APEH: variants seen among roughly 807,000 people sequenced by gnomAD.
APEH encodes acylaminoacyl-peptide hydrolase.
A neutral mutation model predicts 102.7 loss-of-function variants in APEH; 75 were observed. The ratio of observed to expected loss-of-function variants is 0.73; its 90% CI spans 0.61 to 0.89. APEH has a LOEUF of 0.89. Among genes scored for constraint, APEH ranks in the 40% least tolerant of loss-of-function variants. The pLI is 0.00. For synonymous variants in APEH, 344 were observed against 362.7 expected, an observed-to-expected ratio of 0.95 and a Z score of 0.59; for missense variants, 863 against 941.2, an observed-to-expected ratio of 0.92 and a Z score of 1.09.
In APEH at chr3:49,677,596, C is replaced by T; in HGVS notation, c.1023C>T (p.Thr341=). 1 of 1,613,974 alleles carries T rather than the reference C, an allele frequency of 6.2e-7. No individual in the cohort carries two copies. Among genetic ancestry groups the T allele is most frequent in the Admixed American group, 1.7e-5 (1 of 60,012 alleles). ...LCLYDWYTKV[T]SVVVDVVPRQ... Reference sequence around the variant, plus strand: ...AGTATGACTGGTATACCAAGGTTACCTCAGTGGTGGTAGATGTTGTGCCTC... The same window carrying T: ...AGTATGACTGGTATACCAAGGTTACTTCAGTGGTGGTAGATGTTGTGCCTC... The change falls in exon 11 of 22, where the codon ACC becomes ACT. Residue 341 remains threonine (T), a synonymous_variant. Coordinates refer to ENST00000296456, the MANE Select transcript of APEH (RefSeq NM_001640.4).
chr3:49,683,101 G>A lies in APEH; in HGVS notation c.2048G>A (p.Gly683Asp). Reference protein sequence around the residue: ...QEDRRVPFKQGMEYYRALKTR... With the variant: ...QEDRRVPFKQDMEYYRALKTR... ...GACCGGCGTGTGCCCTTCAAGCAGG[G>A]CATGGAGTATTACCGTGCCCTCAAG... The change falls in exon 21 of 22, where the codon GGC (glycine) becomes GAC (aspartate). Residue 683 changes from glycine (G) to aspartate (D), a missense_variant. Physicochemically the swap from Gly to Asp is moderately conservative, Grantham distance 94 (BLOSUM62 -1). Coordinates refer to ENST00000296456, the MANE Select transcript of APEH (RefSeq NM_001640.4). 4.3e-6 allele frequency: 7 copies of A among 1,614,068 alleles called. No individual in the cohort carries two copies. The highest frequency in any genetic ancestry group is 5.1e-6 in the Non-Finnish European group (6 of 1,180,032).
intron 17 of APEH, 21 bp downstream of exon 17, chr3:49,681,988 AG>A (rs1559639606): frequency 1.9e-6 from 3 of 1,603,712 alleles, no homozygotes; most frequent in Non-Finnish European, 2.6e-6. Flanking sequence ...AGGGACCCAC[AG>A]TTCTGTTAGG....
Position 49,678,955 on chromosome 3 carries a change from G to A in APEH, c.1158+6G>A, listed in dbSNP as rs1180668896. ...CGGCTCAGCGCAGCCGGCAGGTGAGGGACGCTGATTGTGTTGAGGGGCAGC... is the reference window on the plus strand; with the variant it reads ...CGGCTCAGCGCAGCCGGCAGGTGAGAGACGCTGATTGTGTTGAGGGGCAGC... On this transcript the variant is annotated splice_donor_region_variant and intron_variant, in intron 12 of 21. Transcript: ENST00000296456. 1.2e-6 allele frequency: 2 copies of A among 1,611,982 alleles called. No individual in the cohort carries two copies. The highest frequency in any genetic ancestry group is 1.7e-6 in the Non-Finnish European group (2 of 1,178,762).
intron 17 of APEH, 36 bp downstream of exon 17, chr3:49,682,003 A>G (rs191168253): frequency 2.3e-5 from 36 of 1,590,394 alleles, no homozygotes; most frequent in Admixed American, 1.0e-4. Flanking sequence ...TGTTAGGACT[A>G]CAGTGGAGTG....
At chr3:49,677,699 A>C in intron 11 of APEH, 66 bp downstream of exon 11, 1 of 1,447,484 alleles carries the variant, frequency 6.9e-7, no homozygotes, top group East Asian at 2.3e-5. Flanking sequence ...CGTCTGTTGC[A>C]TCCCTGCCCC....
chr3:49,677,078 G>A, intron 10 of APEH, 54 bp downstream of exon 10: 8 of 1,610,992 alleles, frequency 5.0e-6, no homozygotes, highest in Non-Finnish European at 6.8e-6. Flanking sequence ...ATGGGATGGT[G>A]GATGAGAGCT....
In APEH at chr3:49,674,410, T is replaced by C; in HGVS notation, c.9T>C (p.Arg3=). ...GCGGCAGAGAGGAGACTATGGAACG[T>C]CAGGTGAGGGCTCGGCCCGCGGTCC... is the stretch of plus-strand genomic sequence containing the variant. ME[R]QVLLSEPEEA... The change falls in exon 1 of 22, where the codon CGT becomes CGC. Residue 3 remains arginine, a synonymous_variant. Coordinates refer to ENST00000296456, the MANE Select transcript of APEH (RefSeq NM_001640.4). The C allele has an allele frequency of 7.6e-6, 12 of 1,576,470 alleles. No homozygotes were observed. The highest frequency in any genetic ancestry group is 1.1e-5 in the South Asian group (1 of 87,590).
At position 49,674,661 on chromosome 3, in the gene APEH, G is replaced by T. The variant is rs888749849; in HGVS notation, c.145+40G>T. 4 of 1,579,916 alleles carry T rather than the reference G, an allele frequency of 2.5e-6. No individual in the cohort carries two copies. The East Asian group carries it at 9.1e-5, about 36-fold the overall frequency. On this transcript the variant is annotated intron_variant, in intron 2 of 21. Transcript: ENST00000296456. ...GGGAACTGGCTGGCGACGGGGTCGC[G>T]CACTGGGGTGGGAAGGAAGGGGGTG...
intron 15 of APEH, 71 bp from the exon 16 acceptor site, chr3:49,681,651 C>G (rs757946326): frequency 1.4e-4 from 194 of 1,342,804 alleles, no homozygotes; most frequent in Non-Finnish European, 1.9e-4. Flanking sequence ...CCCACACCTG[C>G]AGCTAGAGAT....
chr3:49,680,471 CTG>C (rs1394258883), intron 13 of APEH, 68 bp from the exon 14 acceptor site: 1 of 1,399,506 alleles, frequency 7.1e-7, no homozygotes, highest in Non-Finnish European at 1.0e-6. Flanking sequence ...GCCTGGGACT[CTG>C]TTACAGAGAA....
In APEH at chr3:49,674,619, C is replaced by T. The variant is rs1263501178; in HGVS notation, c.143C>T (p.Thr48Ile). 1.3e-6 allele frequency: 2 copies of T among 1,586,114 alleles called. No individual in the cohort carries two copies. Among genetic ancestry groups the T allele is most frequent in the African/African-American group, 1.3e-5 (1 of 74,986 alleles). ...QYGGQYRTVHTEWTQRDLERM... is the reference protein window; with the variant it reads ...QYGGQYRTVHIEWTQRDLERM... ...GGCGGCCAATACCGGACGGTGCACACTGGTGTGTGTGCGAAGGGGAACTGG... is the reference window on the plus strand; with the variant it reads ...GGCGGCCAATACCGGACGGTGCACATTGGTGTGTGTGCGAAGGGGAACTGG... The change falls in exon 2 of 22, where the codon ACT becomes ATT. Residue 48 changes from threonine (T) to isoleucine (I), a missense_variant and splice_region_variant. Thr to Ile is a moderately conservative substitution (Grantham distance 89). Coordinates refer to ENST00000296456, the MANE Select transcript of APEH (RefSeq NM_001640.4).
chr3:49,678,476 G>A (rs552886318), intron 11 of APEH, among the ~76,000 whole-genome samples: 33 of 152,300 alleles, frequency 2.2e-4, no homozygotes, highest in African/African-American at 6.0e-4. Flanking sequence ...TGTGCCAAGC[G>A]CTGTGCTAAG....
In APEH at chr3:49,674,541, G is replaced by T. The variant is rs1033553826; in HGVS notation, c.65G>T (p.Arg22Leu). 2 of 1,564,646 alleles carry T rather than the reference G, an allele frequency of 1.3e-6. No homozygotes were observed. The highest frequency in any genetic ancestry group is 2.3e-5 in the East Asian group (1 of 43,576). ...GCGGCTCTGTATCGGGGCCTTAGCC[G>T]CCAGCCCGCGCTGAGCGCCGCCTGC... ...EAAALYRGLS[R>L]QPALSAACLG... is the part of the protein sequence containing the mutation. The change falls in exon 2 of 22, where the codon CGC (arginine) becomes CTC (leucine). Residue 22 changes from arginine to leucine, a missense_variant. Arg to Leu is a moderately radical substitution (Grantham distance 102). Coordinates refer to ENST00000296456, the MANE Select transcript of APEH (RefSeq NM_001640.4).
Position 49,675,923 on chromosome 3 carries a change from C to T in APEH, c.399C>T (p.Phe133=). ...VWEKNRKLKS[F]NLSALEKHGP... Reference sequence around the variant, plus strand: ...AGAAGAACCGGAAGCTCAAGAGCTTCAACCTGTCAGCGCTGGAGAAACATG... The same window carrying T: ...AGAAGAACCGGAAGCTCAAGAGCTTTAACCTGTCAGCGCTGGAGAAACATG... Residue 133 remains phenylalanine (F), a synonymous_variant, in exon 5 of 22, where the codon TTC becomes TTT. Transcript: ENST00000296456. The T allele has an allele frequency of 6.2e-7, 1 of 1,614,172 alleles. No individual in the cohort carries two copies. The highest frequency in any genetic ancestry group is 8.5e-7 in the Non-Finnish European group (1 of 1,180,024).
rs75779287 is a variant in APEH at position 49,676,355 on chromosome 3, C to T, written c.607-23C>T. Reference sequence around the variant, plus strand: ...GAGCAGGTCCTATAGACAGGCTGGGCATTGAGTATCTTGTGTTCTCAGGGG... The same window carrying T: ...GAGCAGGTCCTATAGACAGGCTGGGTATTGAGTATCTTGTGTTCTCAGGGG... On this transcript the variant is annotated intron_variant, in intron 6 of 21. Transcript: ENST00000296456. 3.9e-3 allele frequency: 6,226 copies of T among 1,614,020 alleles called. 80 individuals carry two copies. The African/African-American group carries it at 0.04, about 10-fold the overall frequency.
At chr3:49,675,450 C>A in intron 3 of APEH, 141 bp downstream of exon 3, 1 of 1,275,278 alleles carries the variant, frequency 7.8e-7, no homozygotes, top group Non-Finnish European at 1.1e-6. Context: ...TTTCTGGTGA[C>A]ATGGCCTGAT....
chr3:49,683,370 A>T lies in APEH; in HGVS notation c.*28A>T. 1.9e-6 allele frequency: 3 copies of T among 1,577,198 alleles called. No homozygotes were observed. Among genetic ancestry groups the T allele is most frequent in the Non-Finnish European group, 2.6e-6 (3 of 1,147,020 alleles). On this transcript the variant is annotated 3_prime_UTR_variant, in exon 22 of 22. Transcript: ENST00000296456. ...CCCTGCCATTCTGCATGAGCTGATC[A>T]GCCTGTGCCACACTTCGCTCTTGAG... is the stretch of plus-strand genomic sequence containing the variant.
upstream of APEH, chr3:49,673,893 C>T (rs888240671): frequency 6.2e-5 from 10 of 161,156 alleles, no homozygotes; most frequent in Non-Finnish European, 1.2e-4. Flanking sequence ...ACCCGCCCGC[C>T]TTGCCCTTCA....
At chr3:49,674,073 C>T, upstream of APEH, 1 of 454,742 alleles carries the variant, frequency 2.2e-6, no homozygotes, top group Admixed American at 4.1e-5. Context: ...TCCACAGGGC[C>T]GCCCCCTCTC....
Sources: allele counts gnomAD v4.1 joint callset (sites outside exome capture counted in the v4.1 genomes callset), GRCh38; gene constraint gnomAD v4.1.1; transcripts MANE v1.5; gene names NCBI Gene and HGNC (gene_info 2026-07-23, HGNC 2026-07-21).